Variants in KANK1 observed in about 807,000 individuals in gnomAD.
The protein encoded by KANK1 is KN motif and ankyrin repeat domains 1.
KANK1 carries 109 observed loss-of-function variants against 106.2 expected under a neutral mutation model. The ratio of observed to expected loss-of-function variants is 1.03; its 90% CI spans 0.88 to 1.20. KANK1 has a LOEUF of 1.20. Among genes scored for constraint, KANK1 ranks in the 50% most tolerant of loss-of-function variants. KANK1 has a pLI of 0.00. For synonymous variants in KANK1, 873 were observed against 652.2 expected (o/e 1.34, Z -5.16); for missense variants, 2,399 against 1,710.7 (o/e 1.40, Z -7.10).
At chr9:662,474 C>G (rs1843555654) in intron 1 of KANK1, among the ~76,000 whole-genome samples, 1 of 152,118 alleles carries the variant, frequency 6.6e-6, no homozygotes, top group South Asian at 2.1e-4. Flanking sequence ...GGTACCAAAA[C>G]AGAGATAGAC....
At chr9:573,731 C>T (rs1373273281) in intron 1 of KANK1, among the ~76,000 whole-genome samples, 1 of 151,860 alleles carries the variant, frequency 6.6e-6, no homozygotes, top group Non-Finnish European at 1.5e-5. Flanking sequence ...ACCCCCACCT[C>T]ACCCATTGAT....
At chr9:506,607 A>G (rs1464731431) in intron 1 of KANK1, among the ~76,000 whole-genome samples, 1 of 152,184 alleles carries the variant, frequency 6.6e-6, no homozygotes, top group Non-Finnish European at 1.5e-5. Flanking sequence ...GCTTAAAAGT[A>G]ATTTTTTAAA....
intron 1 of KANK1, among the ~76,000 whole-genome samples, chr9:522,524 A>T (rs2059598121): frequency 1.3e-5 from 2 of 151,614 alleles, no homozygotes; most frequent in Admixed American, 1.3e-4. Flanking sequence ...GGAGAAAGGC[A>T]TTCTTTTTGA....
upstream of KANK1, chr9:504,575 G>C (rs1166539183): frequency 6.6e-6 from 1 of 151,604 alleles, no homozygotes; most frequent in Non-Finnish European, 1.5e-5. Context: ...CCCACCGCGG[G>C]TGAGAGGCTT....
At chr9:640,367 C>G (rs1024725071) in intron 1 of KANK1, among the ~76,000 whole-genome samples, 2 of 152,022 alleles carry the variant, frequency 1.3e-5, no homozygotes, top group Admixed American at 6.6e-5. Flanking sequence ...TCCCGATTAG[C>G]TGGGATTACA....
chr9:663,073 A>T (rs1158210713), intron 1 of KANK1, among the ~76,000 whole-genome samples: 2 of 152,232 alleles, frequency 1.3e-5, no homozygotes, highest in South Asian at 4.1e-4. Context: ...CTTGTCATTA[A>T]CAATATTCAT....
At chr9:739,539 C>CAA (rs900220651) in intron 8 of KANK1, among the ~76,000 whole-genome samples, 4 of 152,164 alleles carry the variant, frequency 2.6e-5, no homozygotes, top group African/African-American at 9.7e-5. Flanking sequence ...GAAGGAATTT[C>CAA]AAGCCCCTCC....
At chr9:532,389 T>TA (rs1328878234) in intron 1 of KANK1, among the ~76,000 whole-genome samples, 8 of 132,142 alleles carry the variant, frequency 6.1e-5, no homozygotes, top group Non-Finnish European at 1.3e-4. Context: ...TTTTTTTTTT[T>TA]ACCATTTCAA....
intron 1 of KANK1, among the ~76,000 whole-genome samples, chr9:654,421 G>A (rs550094128): frequency 6.6e-4 from 100 of 152,288 alleles, no homozygotes; most frequent in African/African-American, 2.3e-3. Context: ...GAGAATCTTG[G>A]AATAGTATAT....
rs919361446 is a variant in KANK1, at chr9:668,707, A to G, written c.-83-8183A>G. On this transcript the variant is annotated intron_variant, in intron 1 of 11. Coordinates refer to ENST00000382297, the MANE Select transcript of KANK1 (RefSeq NM_015158.5). ...TTATAGATAAAACAAGTTATTTTAA[A>G]GAGATGACAGCTTATCTTAGATAAG... Among the ~76,000 whole-genome samples, 8 of 152,118 alleles carry G rather than the reference A, an allele frequency of 5.3e-5. No homozygotes were observed. In the South Asian group the frequency reaches 6.2e-4, roughly 12 times the overall value.
chr9:509,928 G>A (rs1017186609), intron 1 of KANK1, among the ~76,000 whole-genome samples: 2 of 151,974 alleles, frequency 1.3e-5, no homozygotes, highest in Non-Finnish European at 2.9e-5. Flanking sequence ...TGCCTCCCGA[G>A]TAGCTGGGAC....
chr9:581,870 C>T (rs897423804), intron 1 of KANK1, among the ~76,000 whole-genome samples: 1 of 152,150 alleles, frequency 6.6e-6, no homozygotes, highest in Non-Finnish European at 1.5e-5. Context: ...TTGCTGCACA[C>T]CTCAGGGTGC....
Position 736,185 on chromosome 9 carries a change from C to T in KANK1, c.3333+1350C>T, listed in dbSNP as rs1833759753. On this transcript the variant is annotated intron_variant, in intron 7 of 11. Coordinates refer to ENST00000382297, the MANE Select transcript of KANK1 (RefSeq NM_015158.5). ...GTGTTAGTCAGGATGGTCTCGATCT[C>T]CTGACCTCGTGGTCCGCCCATCTTG... Among the ~76,000 whole-genome samples, 3 of 152,298 alleles carry T rather than the reference C, an allele frequency of 2.0e-5. No individual in the cohort carries two copies. In the South Asian group the frequency reaches 6.2e-4, roughly 32 times the overall value.
upstream of KANK1, among the ~76,000 whole-genome samples, chr9:502,337 TTGTA>T (rs1237572574): frequency 6.6e-6 from 1 of 152,198 alleles, no homozygotes; most frequent in African/African-American, 2.4e-5. Context: ...GGCATGTGAA[TTGTA>T]TGTCAATAAA....
chr9:537,183 A>G (rs1014860505), intron 1 of KANK1, among the ~76,000 whole-genome samples: 4 of 152,204 alleles, frequency 2.6e-5, no homozygotes, highest in Non-Finnish European at 4.4e-5. Context: ...TTTTCCTTTG[A>G]AAACAAAGCT....
intron 3 of KANK1, among the ~76,000 whole-genome samples, chr9:492,684 ATATT>A (rs1251688189): frequency 6.6e-6 from 1 of 152,214 alleles, no homozygotes; most frequent in East Asian, 1.9e-4. Context: ...TTTGAAATAT[ATATT>A]TAATAACCAA....
At chr9:489,175 A>T (rs1234181775) in intron 3 of KANK1, 1 of 152,234 alleles carries the variant, frequency 6.6e-6, no homozygotes, top group African/African-American at 2.4e-5. Flanking sequence ...CATATATTTT[A>T]TGAATGAATA....
rs369397565 is a variant in KANK1, at chr9:661,315, C to T, written c.-83-15575C>T. Among the ~76,000 whole-genome samples, 128 of 150,620 alleles carry T rather than the reference C, an allele frequency of 8.5e-4. 1 individual carries two copies. The highest frequency in any genetic ancestry group is 5.4e-3 in the South Asian group (25 of 4,626). ...ACAGGCCCCAGTGTGTGATGTTCAC[C>T]GCCCTGTGTCCAAGTGTGCTCATTG... On this transcript the variant is annotated intron_variant, in intron 1 of 11. Coordinates refer to ENST00000382297, the MANE Select transcript of KANK1 (RefSeq NM_015158.5).
At chr9:578,543 T>G (rs998369626) in intron 1 of KANK1, among the ~76,000 whole-genome samples, 3 of 152,096 alleles carry the variant, frequency 2.0e-5, no homozygotes, top group African/African-American at 7.2e-5. Context: ...TCTATTCTAA[T>G]TGTTTTCCCC....
Sources: allele counts gnomAD v4.1 joint callset (sites outside exome capture counted in the v4.1 genomes callset), GRCh38; gene constraint gnomAD v4.1.1; transcripts MANE v1.5; gene names NCBI Gene and HGNC (gene_info 2026-07-23, HGNC 2026-07-21).